The following ARL6IP6 variants were observed in gnomAD, a reference collection of about 807,000 sequenced individuals.
ARL6IP6 encodes the protein ADP-ribosylation factor-like protein 6-interacting protein 6.
Under a neutral mutation model 21.5 loss-of-function variants are expected in ARL6IP6, and 22 were observed. That is an observed-to-expected ratio of 1.02 (90% confidence interval 0.73 to 1.46). The LOEUF is 1.46. Among genes scored for constraint, ARL6IP6 ranks in the 40% most tolerant of loss-of-function variants. The pLI is 0.00. For synonymous variants in ARL6IP6, 164 were observed against 125.3 expected (o/e 1.31, Z -2.06); for missense variants, 388 against 299.8 (o/e 1.29, Z -2.17).
chr2:152,750,660 G>A (rs1701287124), intron 3 of ARL6IP6, among the ~76,000 whole-genome samples: 1 of 151,814 alleles, frequency 6.6e-6, no homozygotes, highest in African/African-American at 2.4e-5. Context: ...TACCTCTTTT[G>A]TCTGTCAGTC....
At chr2:152,728,587 A>G (rs183127354) in intron 2 of ARL6IP6, among the ~76,000 whole-genome samples, 1 of 152,296 alleles carries the variant, frequency 6.6e-6, no homozygotes, top group Admixed American at 6.5e-5. Context: ...TAGAAGAGTA[A>G]CTGCTCCCTG....
At chr2:152,719,641 A>G (rs1699628575) in intron 1 of ARL6IP6, among the ~76,000 whole-genome samples, 6 of 152,052 alleles carry the variant, frequency 3.9e-5, no homozygotes, top group Admixed American at 1.3e-4. Context: ...AGTTTATTGC[A>G]AGGCATACGG....
At chr2:152,738,225 C>A (rs1003314530) in intron 3 of ARL6IP6, among the ~76,000 whole-genome samples, 1 of 152,216 alleles carries the variant, frequency 6.6e-6, no homozygotes, top group Non-Finnish European at 1.5e-5. Context: ...GGCAGCTCTG[C>A]CCCTGTGGCT....
intron 3 of ARL6IP6, among the ~76,000 whole-genome samples, chr2:152,751,495 C>G (rs1701329643): frequency 6.6e-6 from 1 of 152,180 alleles, no homozygotes; most frequent in Non-Finnish European, 1.5e-5. Flanking sequence ...CTGCTATCCT[C>G]TCTCACCCCA....
At chr2:152,729,864 A>G (rs1175514956) in intron 2 of ARL6IP6, among the ~76,000 whole-genome samples, 6 of 146,258 alleles carry the variant, frequency 4.1e-5, no homozygotes, top group Admixed American at 3.5e-4. Context: ...ATATGCTTTC[A>G]TTTTTATATT....
intron 2 of ARL6IP6, among the ~76,000 whole-genome samples, chr2:152,731,667 A>G (rs566624216): frequency 2.6e-5 from 4 of 152,272 alleles, no homozygotes; most frequent in African/African-American, 9.6e-5. Context: ...GAATAGTCAT[A>G]TGGGTCAAAA....
chr2:152,749,168 A>G (rs1480400694), intron 3 of ARL6IP6, among the ~76,000 whole-genome samples: 1 of 152,014 alleles, frequency 6.6e-6, no homozygotes, highest in Admixed American at 6.5e-5. Flanking sequence ...TTACTATTTA[A>G]TAGTAATCTA....
intron 2 of ARL6IP6, 83 bp from the exon 3 acceptor site, chr2:152,734,911 T>C: frequency 1.5e-6 from 2 of 1,339,832 alleles, no homozygotes; most frequent in South Asian, 1.4e-5. Context: ...GAAATATACA[T>C]GATCTGAACA....
chr2:152,727,377 T>C (rs1233687226), intron 2 of ARL6IP6, among the ~76,000 whole-genome samples: 1 of 152,234 alleles, frequency 6.6e-6, no homozygotes, highest in East Asian at 1.9e-4. Flanking sequence ...TTAAAATTTA[T>C]AAAGTAAGAA....
At chr2:152,736,916 G>A (rs1407655312) in intron 3 of ARL6IP6, among the ~76,000 whole-genome samples, 4 of 152,138 alleles carry the variant, frequency 2.6e-5, no homozygotes, top group African/African-American at 9.7e-5. Context: ...GAACATTCAT[G>A]GATTTTGGTG....
intron 3 of ARL6IP6, among the ~76,000 whole-genome samples, chr2:152,746,034 T>TAA (rs35885163): frequency 1.2e-5 from 1 of 83,278 alleles, no homozygotes; most frequent in Non-Finnish European, 2.2e-5. Flanking sequence ...TTTTTTTTTT[T>TAA]AAAGACAGGT....
intron 3 of ARL6IP6, among the ~76,000 whole-genome samples, chr2:152,743,576 A>T (rs988416639): frequency 1.2e-4 from 19 of 152,188 alleles, no homozygotes; most frequent in African/African-American, 4.3e-4. Flanking sequence ...CTAGCATGTA[A>T]TGATTTCCGT....
intron 3 of ARL6IP6, among the ~76,000 whole-genome samples, chr2:152,738,275 T>G (rs1396967141): frequency 2.0e-5 from 3 of 152,236 alleles, no homozygotes; most frequent in Admixed American, 2.0e-4. Flanking sequence ...TTTCACAGGC[T>G]GGCATTGAGA....
chr2:152,723,386 AT>A (rs1699883106), intron 2 of ARL6IP6, among the ~76,000 whole-genome samples: 1 of 152,204 alleles, frequency 6.6e-6, no homozygotes, highest in South Asian at 2.1e-4. Flanking sequence ...AAATGTAATA[AT>A]GTTTGATTGT....
intron 1 of ARL6IP6, 72 bp downstream of exon 1, chr2:152,719,096 A>T: frequency 7.1e-7 from 1 of 1,415,894 alleles, no homozygotes; most frequent in South Asian, 1.6e-5. Flanking sequence ...GTCTCCACCC[A>T]TCTCCCTTTC....
rs374667313 is a variant in ARL6IP6, at chr2:152,719,019, T to G, written c.395T>G (p.Val132Gly). The change falls in exon 1 of 4, where the codon GTT (valine) becomes GGT (glycine). Residue 132 changes from valine (V) to glycine (G), a missense_variant. Val to Gly is a moderately radical substitution (Grantham distance 109). Transcript: ENST00000326446. ...AFLLAIAYLI[V>G]KELHAENLKN... ...CTCCTCGCCATCGCCTACTTGATCG[T>G]TAAAGGTATTGAAGCCGACGCCTTG... The G allele has an allele frequency of 1.3e-6, 2 of 1,560,396 alleles. No individual in the cohort carries two copies. The highest frequency in any genetic ancestry group is 2.7e-5 in the African/African-American group (2 of 73,180).
chr2:152,757,526 A>G (rs755508663), intron 3 of ARL6IP6, among the ~76,000 whole-genome samples: 14 of 152,108 alleles, frequency 9.2e-5, no homozygotes, highest in Middle Eastern at 3.2e-3. Context: ...TAAGTCCTCT[A>G]TAGAGTTTTG....
At chr2:152,738,183 A>G (rs1700636671) in intron 3 of ARL6IP6, among the ~76,000 whole-genome samples, 1 of 152,178 alleles carries the variant, frequency 6.6e-6, no homozygotes, top group African/African-American at 2.4e-5. Flanking sequence ...TCCAGGTCAC[A>G]CTGATGAAAG....
chr2:152,758,606 A>G (rs1187667745), intron 3 of ARL6IP6, among the ~76,000 whole-genome samples: 1 of 152,200 alleles, frequency 6.6e-6, no homozygotes, highest in Non-Finnish European at 1.5e-5. Context: ...CTAGTTGGGT[A>G]AAGAAAGGTT....
Sources: gnomAD v4.1 joint callset for allele counts (sites outside exome capture counted in the v4.1 genomes callset) on GRCh38, gnomAD v4.1.1 for gene constraint, MANE v1.5 for transcripts, NCBI Gene and HGNC (gene_info 2026-07-23, HGNC 2026-07-21) for gene names.